BARX2: variants seen among roughly 807,000 people sequenced by gnomAD.
BARX2 encodes the protein homeobox protein BarH-like 2.
In BARX2, 11 loss-of-function variants were observed where a neutral mutation model predicts 25.5. That is an observed-to-expected ratio of 0.43 (90% CI 0.27 to 0.71). The LOEUF is 0.71. BARX2 is among the 30% of genes least tolerant of loss of function. BARX2 has a pLI of 0.19. For synonymous variants in BARX2, 137 were observed against 149.5 expected, an observed-to-expected ratio of 0.92 and a Z score of 0.61; for missense variants, 360 against 359.9, an observed-to-expected ratio of 1.00 and a Z score of 0.00.
At chr11:129,418,130 T>C (rs1475387614) in intron 1 of BARX2, among the ~76,000 whole-genome samples, 1 of 152,226 alleles carries the variant, frequency 6.6e-6, no homozygotes, top group Non-Finnish European at 1.5e-5. Flanking sequence ...TGGTAGGTTG[T>C]TACCAGCTGA....
intron 3 of BARX2, among the ~76,000 whole-genome samples, chr11:129,446,002 A>G (rs1437248752): frequency 2.6e-5 from 4 of 152,248 alleles, no homozygotes; most frequent in Non-Finnish European, 5.9e-5. Flanking sequence ...AGACTTATTC[A>G]CATGGCTGCC....
intron 1 of BARX2, among the ~76,000 whole-genome samples, chr11:129,400,018 G>C (rs774124624): frequency 3.3e-5 from 5 of 152,122 alleles, no homozygotes; most frequent in Non-Finnish European, 7.3e-5. Context: ...TTCCAGGTGT[G>C]CATCACCATG....
rs542395623 is a variant in BARX2 at position 129,416,963 on chromosome 11, G to A, written c.188-19788G>A. ...GTCACCCAGGCTGGAGTACAGTGGC[G>A]CAATCTCAGCTCACTGCAAGCTCCG... On this transcript the variant is annotated intron_variant, in intron 1 of 3. Transcript: ENST00000281437. Among the ~76,000 whole-genome samples, 44 of 151,112 alleles carry A rather than the reference G, an allele frequency of 2.9e-4. No individual in the cohort carries two copies. The East Asian group carries it at 7.4e-3, about 25-fold the overall frequency.
At position 129,383,280 on chromosome 11, in the gene BARX2, A is replaced by G. The variant is rs1167198258; in HGVS notation, c.187+7058A>G. On this transcript the variant is annotated intron_variant, in intron 1 of 3. Transcript: ENST00000281437. ...TAATTTTCCATTACCATGTCTAATTACTCATCATCACCAGGGCATTTTTAT... is the reference window on the plus strand; with the variant it reads ...TAATTTTCCATTACCATGTCTAATTGCTCATCATCACCAGGGCATTTTTAT... Among the ~76,000 whole-genome samples, 3 of 152,326 alleles carry G rather than the reference A, an allele frequency of 2.0e-5. No homozygotes were observed. The East Asian group carries it at 5.8e-4, about 29-fold the overall frequency.
rs151010709 is a variant in BARX2 at position 129,376,526 on chromosome 11, G to A, written c.187+304G>A. 6.6e-6 allele frequency among the ~76,000 whole-genome samples: 1 copy of A among 152,332 alleles called. No individual in the cohort carries two copies. Among genetic ancestry groups the A allele is most frequent in the Non-Finnish European group, 1.5e-5 (1 of 68,038 alleles). On this transcript the variant is annotated intron_variant, in intron 1 of 3. Transcript: ENST00000281437. This position sits in a 1 kb window ranked among gnomAD's most constrained non-coding sequence, Gnocchi z 4.2. ...TTTCCTGCTGAAAGTTCAAACACTT[G>A]AGCAGGTTCAGCGTCTAAATCGTTG...
intron 1 of BARX2, among the ~76,000 whole-genome samples, chr11:129,398,539 C>T (rs961298039): frequency 6.6e-6 from 1 of 152,196 alleles, no homozygotes; most frequent in Non-Finnish European, 1.5e-5. Flanking sequence ...AGCACATGCT[C>T]AATAAATATT....
Position 129,376,339 on chromosome 11 carries a change from G to T in BARX2, c.187+117G>T. The T allele has an allele frequency of 9.3e-7, 1 of 1,078,572 alleles. No individual in the cohort carries two copies. Among genetic ancestry groups the T allele is most frequent in the Non-Finnish European group, 1.3e-6 (1 of 766,600 alleles). The allele number at this position is 1,078,572 out of a possible 1,614,324, so 66.8% of individuals were successfully genotyped here. On this transcript the variant is annotated intron_variant, in intron 1 of 3. Coordinates refer to ENST00000281437, the MANE Select transcript of BARX2 (RefSeq NM_003658.5). The surrounding 1 kb of genome is among the most constrained non-coding windows in gnomAD (Gnocchi z 4.2). ...GGTTAAGTTAAGGGATTCTTTTCCT[G>T]CGCCTCAGCAAGCGGTGGGCATTGC...
At chr11:129,392,771 C>T (rs1235550092) in intron 1 of BARX2, among the ~76,000 whole-genome samples, 1 of 151,996 alleles carries the variant, frequency 6.6e-6, no homozygotes, top group Non-Finnish European at 1.5e-5. Flanking sequence ...CCACCGTGCC[C>T]AGCTAATTTT....
intron 1 of BARX2, among the ~76,000 whole-genome samples, chr11:129,410,029 C>A (rs1298218196): frequency 6.6e-6 from 1 of 152,100 alleles, no homozygotes; most frequent in Non-Finnish European, 1.5e-5. Flanking sequence ...ATAGCCTCAT[C>A]TATAAAATGG....
At chr11:129,378,036 G>A (rs930738347) in intron 1 of BARX2, among the ~76,000 whole-genome samples, 17 of 152,326 alleles carry the variant, frequency 1.1e-4, no homozygotes, top group African/African-American at 3.4e-4. Context: ...TGATTCATAT[G>A]TAGTTTTGTG....
At position 129,436,677 on chromosome 11, in the gene BARX2, C is replaced by A; in HGVS notation, c.188-74C>A. ...TCCCTGTCAGACAGACCTCAGCCAG[C>A]GGCCCTCCGCAGGTCCTGGCCTGCT... On this transcript the variant is annotated intron_variant, in intron 1 of 3. Coordinates refer to ENST00000281437, the MANE Select transcript of BARX2 (RefSeq NM_003658.5). This position sits in a 1 kb window ranked among gnomAD's most constrained non-coding sequence, Gnocchi z 4.5. 2 of 1,465,538 alleles carry A rather than the reference C, an allele frequency of 1.4e-6. No individual in the cohort carries two copies. The highest frequency in any genetic ancestry group is 2.3e-5 in the East Asian group (1 of 43,300). The allele number at this position is 1,465,538 out of a possible 1,614,324, so 90.8% of individuals were successfully genotyped here.
intron 1 of BARX2, among the ~76,000 whole-genome samples, chr11:129,416,592 A>G (rs1167686080): frequency 1.3e-5 from 2 of 152,130 alleles, no homozygotes; most frequent in Admixed American, 1.3e-4. Flanking sequence ...GTTTGTTGAT[A>G]TGTTGGGGGC....
In BARX2 at chr11:129,441,474, T is replaced by C. The variant is rs146515232; in HGVS notation, c.489-1361T>C. On this transcript the variant is annotated intron_variant, in intron 2 of 3. Coordinates refer to ENST00000281437, the MANE Select transcript of BARX2 (RefSeq NM_003658.5). ...TTTATTTATTTATTTATTTTGACAA[T>C]GTCTCACTCCATTGCCTAGGCTGCA... Among the ~76,000 whole-genome samples, 1,308 of 152,268 alleles carry C rather than the reference T, an allele frequency of 8.6e-3. 14 individuals are homozygous for C. The highest frequency in any genetic ancestry group is 0.03 in the African/African-American group (1,252 of 41,550).
intron 1 of BARX2, among the ~76,000 whole-genome samples, chr11:129,430,285 G>T (rs897718257): frequency 2.2e-5 from 3 of 139,368 alleles, no homozygotes; most frequent in African/African-American, 7.9e-5. Context: ...TATCCATTCA[G>T]AAAAAATGTG....
intron 1 of BARX2, among the ~76,000 whole-genome samples, chr11:129,398,525 T>C (rs1861744831): frequency 6.6e-6 from 1 of 152,242 alleles, no homozygotes; most frequent in Non-Finnish European, 1.5e-5. Flanking sequence ...ATTTGCCTAT[T>C]CCAAGCACAT....
intron 1 of BARX2, among the ~76,000 whole-genome samples, chr11:129,391,186 G>A (rs1298588233): frequency 6.6e-6 from 1 of 152,136 alleles, no homozygotes; most frequent in Non-Finnish European, 1.5e-5. Flanking sequence ...GCTAAATCTG[G>A]CCCACTACGA....
At chr11:129,426,004 CTT>C (rs368509688) in intron 1 of BARX2, among the ~76,000 whole-genome samples, 87 of 132,470 alleles carry the variant, frequency 6.6e-4, no homozygotes, top group East Asian at 1.1e-3. Flanking sequence ...GCCCTTCCTC[CTT>C]TTTTTTTTTT....
At chr11:129,404,552 C>T (rs897004723) in intron 1 of BARX2, among the ~76,000 whole-genome samples, 7 of 152,234 alleles carry the variant, frequency 4.6e-5, no homozygotes, top group Admixed American at 6.5e-5. Flanking sequence ...TGTCAGTTGA[C>T]CTTTCCGGGC....
intron 1 of BARX2, among the ~76,000 whole-genome samples, chr11:129,411,371 C>CAAAAA (rs34667411): frequency 1.9e-5 from 1 of 53,854 alleles, no homozygotes; most frequent in Non-Finnish European, 4.2e-5. Flanking sequence ...ACTCCATCTC[C>CAAAAA]AAAAAAAAAA....
Sources: allele counts gnomAD v4.1 joint callset (sites outside exome capture counted in the v4.1 genomes callset), GRCh38; gene constraint gnomAD v4.1.1; non-coding constraint Gnocchi (gnomAD v3.1); transcripts MANE v1.5; gene names NCBI Gene and HGNC (gene_info 2026-07-23, HGNC 2026-07-21).